GALNT13: variants seen among roughly 807,000 people sequenced by gnomAD.
GALNT13 encodes polypeptide N-acetylgalactosaminyltransferase 13.
Under a neutral mutation model 64.2 loss-of-function variants are expected in GALNT13, and 28 were observed. That is an observed-to-expected ratio of 0.44 (90% CI 0.32 to 0.60). GALNT13 has a LOEUF of 0.60. Among genes scored for constraint, GALNT13 ranks in the 20% least tolerant of loss-of-function variants. The pLI is 0.05. For missense variants in GALNT13, 577 were observed against 669.8 expected, an observed-to-expected ratio of 0.86 and a Z score of 1.53; for synonymous variants, 214 against 224.6, an observed-to-expected ratio of 0.95 and a Z score of 0.42.
the GALNT13 span, among the ~76,000 whole-genome samples, chr2:153,552,292 CAG>C: frequency 6.6e-6 from 1 of 152,014 alleles, no homozygotes; most frequent in African/African-American, 2.4e-5. Context: ...AAAATAGAAA[CAG>C]AGCATTAAGG....
At chr2:154,062,942 G>T (rs1266856338) in intron 3 of GALNT13, among the ~76,000 whole-genome samples, 1 of 151,772 alleles carries the variant, frequency 6.6e-6, no homozygotes, top group African/African-American at 2.4e-5. Context: ...CAGTCATTTA[G>T]CATCGATGTG....
At chr2:153,967,824 T>C (rs773231874) in intron 3 of GALNT13, among the ~76,000 whole-genome samples, 9 of 152,152 alleles carry the variant, frequency 5.9e-5, no homozygotes, top group Non-Finnish European at 1.3e-4. Flanking sequence ...TGCTGAGACT[T>C]GGTCCAACCT....
At chr2:154,050,985 T>A (rs1000292459) in intron 3 of GALNT13, among the ~76,000 whole-genome samples, 4 of 152,204 alleles carry the variant, frequency 2.6e-5, no homozygotes, top group Non-Finnish European at 4.4e-5. Flanking sequence ...CTCCCAGGAC[T>A]TAGAACAATA....
intron 2 of GALNT13, among the ~76,000 whole-genome samples, chr2:153,932,624 T>G (rs1240651532): frequency 3.5e-4 from 44 of 126,092 alleles, no homozygotes; most frequent in Non-Finnish European, 5.9e-4. Context: ...TTTTCTGTCT[T>G]TCTTTTTTTT....
chr2:153,957,432 G>T (rs1301108838), intron 3 of GALNT13, among the ~76,000 whole-genome samples: 1 of 152,224 alleles, frequency 6.6e-6, no homozygotes, highest in African/African-American at 2.4e-5. Context: ...ACTGTGGGAA[G>T]CCATCTGCAG....
At chr2:154,111,782 T>G (rs973687100) in intron 3 of GALNT13, among the ~76,000 whole-genome samples, 1 of 152,186 alleles carries the variant, frequency 6.6e-6, no homozygotes, top group African/African-American at 2.4e-5. Context: ...GCCTCAGCCC[T>G]GCAAAGTATT....
the GALNT13 span, among the ~76,000 whole-genome samples, chr2:153,780,212 A>AAG: frequency 3.2e-4 from 34 of 106,140 alleles, no homozygotes; most frequent in Non-Finnish European, 4.9e-4. Flanking sequence ...AAAGAATTTG[A>AAG]AGATATATAT....
chr2:153,085,133 G>A, the GALNT13 span, among the ~76,000 whole-genome samples: 1 of 152,144 alleles, frequency 6.6e-6, no homozygotes, highest in Admixed American at 6.5e-5. Flanking sequence ...GAGTTCTGTG[G>A]AACTTTGAAC....
the GALNT13 span, among the ~76,000 whole-genome samples, chr2:153,128,738 A>G: frequency 6.6e-6 from 1 of 152,166 alleles, no homozygotes; most frequent in African/African-American, 2.4e-5. Flanking sequence ...AATTTACAAA[A>G]GGAAGAGGTT....
intron 12 of GALNT13, chr2:154,446,835 C>G: frequency 7.2e-7 from 1 of 1,397,238 alleles, no homozygotes; most frequent in Non-Finnish European, 9.4e-7. Context: ...AATCTGGAAA[C>G]TCCTTTAAAA....
the GALNT13 span, among the ~76,000 whole-genome samples, chr2:153,282,278 T>C: frequency 1.3e-5 from 2 of 152,358 alleles, no homozygotes; most frequent in East Asian, 3.9e-4. Flanking sequence ...ATTTCCTGAA[T>C]TGTTTTAGAA....
the GALNT13 span, among the ~76,000 whole-genome samples, chr2:153,384,448 C>G: frequency 6.6e-6 from 1 of 151,978 alleles, no homozygotes; most frequent in Admixed American, 6.6e-5. Flanking sequence ...GTAAAGCTAG[C>G]TGGGTGCTTT....
At chr2:153,257,245 C>T in the GALNT13 span, among the ~76,000 whole-genome samples, 1 of 152,144 alleles carries the variant, frequency 6.6e-6, no homozygotes, top group Non-Finnish European at 1.5e-5. Flanking sequence ...CTTTGTTTGA[C>T]TAGGAAAGGG....
the GALNT13 span, among the ~76,000 whole-genome samples, chr2:153,111,046 CAG>C: frequency 6.6e-6 from 1 of 151,996 alleles, no homozygotes; most frequent in Non-Finnish European, 1.5e-5. Flanking sequence ...TCATTGATAG[CAG>C]AGAGACATAG....
chr2:153,731,934 A>ATG, the GALNT13 span, among the ~76,000 whole-genome samples: 2 of 151,972 alleles, frequency 1.3e-5, no homozygotes, highest in African/African-American at 4.8e-5. Flanking sequence ...ATGTAGCACA[A>ATG]AGACTGATGC....
At chr2:153,449,438 GT>G in the GALNT13 span, among the ~76,000 whole-genome samples, 266 of 152,190 alleles carry the variant, frequency 1.7e-3, no homozygotes, top group African/African-American at 6.0e-3. Flanking sequence ...TGACCAAGAT[GT>G]TTTTTCCCCC....
chr2:153,591,098 T>G, the GALNT13 span, among the ~76,000 whole-genome samples: 1 of 152,072 alleles, frequency 6.6e-6, no homozygotes, highest in Non-Finnish European at 1.5e-5. Flanking sequence ...ACTCTTAGAT[T>G]TGATCACTGA....
chr2:154,345,069 T>A (rs766669289), intron 9 of GALNT13, among the ~76,000 whole-genome samples: 3 of 151,986 alleles, frequency 2.0e-5, no homozygotes, highest in Non-Finnish European at 4.4e-5. Context: ...ATATGGGGAA[T>A]TGAGACAACA....
chr2:154,358,205 G>A (rs1272564257), intron 9 of GALNT13, among the ~76,000 whole-genome samples: 1 of 152,108 alleles, frequency 6.6e-6, no homozygotes, highest in Non-Finnish European at 1.5e-5. Context: ...TACCATGGAA[G>A]TGTGATCCAG....
Sources: allele counts gnomAD v4.1 joint callset (sites outside exome capture counted in the v4.1 genomes callset), GRCh38; gene constraint gnomAD v4.1.1; transcripts MANE v1.5; gene names NCBI Gene and HGNC (gene_info 2026-07-23, HGNC 2026-07-21).